The following AUTS2 variants were observed in gnomAD, a reference collection of about 807,000 sequenced individuals.
The protein encoded by AUTS2 is autism susceptibility gene 2 protein.
Under a neutral mutation model 112.4 loss-of-function variants are expected in AUTS2, and 17 were observed. The observed-to-expected ratio is 0.15, with a 90% CI of 0.10 to 0.23. The LOEUF (loss-of-function observed/expected upper bound fraction) is 0.23. Ranked by LOEUF, AUTS2 falls within the 10% of genes least tolerant of loss-of-function variation. The pLI, the probability that AUTS2 is intolerant of heterozygous loss-of-function variation, is 1.00. For missense variants in AUTS2, 1,510 were observed against 1,701.6 expected, an observed-to-expected ratio of 0.89 and a Z score of 1.98; for synonymous variants, 751 against 702.7, an observed-to-expected ratio of 1.07 and a Z score of -1.09.
At chr7:70,438,327 C>T (rs903369448) in intron 5 of AUTS2, among the ~76,000 whole-genome samples, 2 of 152,078 alleles carry the variant, frequency 1.3e-5, no homozygotes, top group East Asian at 1.9e-4. Context: ...TGTTTATAGG[C>T]GAGTCCAAGA....
intron 5 of AUTS2, among the ~76,000 whole-genome samples, chr7:70,576,877 T>C (rs1320549523): frequency 6.6e-6 from 1 of 152,194 alleles, no homozygotes; most frequent in African/African-American, 2.4e-5. Flanking sequence ...ACCAAACAGC[T>C]TTGACCACAG....
intron 4 of AUTS2, among the ~76,000 whole-genome samples, chr7:70,313,761 T>A (rs1171623157): frequency 6.6e-6 from 1 of 152,184 alleles, no homozygotes; most frequent in African/African-American, 2.4e-5. Context: ...GTCACAGCAG[T>A]GGTCTTAAAT....
chr7:70,755,899 T>C (rs1034958889), intron 6 of AUTS2, among the ~76,000 whole-genome samples: 1 of 151,996 alleles, frequency 6.6e-6, no homozygotes. Context: ...TAACTATATA[T>C]AATTATTTGC....
chr7:70,690,225 C>G (rs1433533119), intron 5 of AUTS2, among the ~76,000 whole-genome samples: 1 of 152,162 alleles, frequency 6.6e-6, no homozygotes, highest in Non-Finnish European at 1.5e-5. Context: ...CAAACCTCTA[C>G]CCTGAAGAAC....
chr7:69,615,319 T>C (rs995859168), intron 1 of AUTS2, among the ~76,000 whole-genome samples: 4 of 152,186 alleles, frequency 2.6e-5, no homozygotes, highest in African/African-American at 7.2e-5. Flanking sequence ...TTATTTTTTT[T>C]TGAGACAGAG....
intron 5 of AUTS2, among the ~76,000 whole-genome samples, chr7:70,681,057 G>A (rs1808180185): frequency 6.6e-6 from 1 of 152,080 alleles, no homozygotes; most frequent in Non-Finnish European, 1.5e-5. Flanking sequence ...AGGAGGCACA[G>A]ACCTGAGTGA....
Position 69,599,617 on chromosome 7 carries a change from T to C in AUTS2, c.-37T>C. 1 of 1,268,288 alleles carries C rather than the reference T, an allele frequency of 7.9e-7. No homozygotes were observed. The highest frequency in any genetic ancestry group is 4.2e-5 in the Admixed American group (1 of 23,718). 78.6% of individuals were successfully genotyped at this position (1,268,288 alleles called of 1,614,324 possible). ...TTTGTGTGGCTGCGGCCGTAGCCTG[T>C]GGCGGGCAAGCGGGGAGACCCCGGC... On this transcript the variant is annotated 5_prime_UTR_variant, in exon 1 of 19. Coordinates refer to ENST00000342771, the MANE Select transcript of AUTS2 (RefSeq NM_015570.4). The surrounding 1 kb of genome is among the most constrained non-coding windows in gnomAD (Gnocchi z 7.0).
chr7:70,494,384 C>G (rs1798366177), intron 5 of AUTS2, among the ~76,000 whole-genome samples: 1 of 151,934 alleles, frequency 6.6e-6, no homozygotes, highest in African/African-American at 2.4e-5. Context: ...CATTGTTGGC[C>G]TAAGGTTGAA....
intron 5 of AUTS2, among the ~76,000 whole-genome samples, chr7:70,480,370 G>A (rs1476614453): frequency 6.6e-6 from 1 of 152,206 alleles, no homozygotes; most frequent in Non-Finnish European, 1.5e-5. Context: ...GAAGAAAGTT[G>A]ATAAAGTAAT....
At chr7:70,391,775 C>T (rs1365790900) in intron 4 of AUTS2, among the ~76,000 whole-genome samples, 1 of 152,200 alleles carries the variant, frequency 6.6e-6, no homozygotes, top group Non-Finnish European at 1.5e-5. Context: ...ATCTTCACAG[C>T]AAACTTGCAT....
chr7:70,307,976 G>T (rs570017980), intron 4 of AUTS2, among the ~76,000 whole-genome samples: 73 of 152,310 alleles, frequency 4.8e-4, no homozygotes, highest in African/African-American at 1.7e-3. Context: ...TAAGTAAGTA[G>T]TTTAGTCTTC....
chr7:70,495,235 T>TAA (rs34861688), intron 5 of AUTS2, among the ~76,000 whole-genome samples: 91 of 102,748 alleles, frequency 8.9e-4, no homozygotes, highest in South Asian at 2.1e-3. Context: ...ACCTTTTCTT[T>TAA]AAAAAAAAAA....
chr7:70,542,762 A>G (rs963279038), intron 5 of AUTS2, among the ~76,000 whole-genome samples: 2 of 152,202 alleles, frequency 1.3e-5, no homozygotes, highest in Non-Finnish European at 2.9e-5. Flanking sequence ...GCACACAGTT[A>G]TACTGAGTAG....
intron 2 of AUTS2, among the ~76,000 whole-genome samples, chr7:69,931,833 C>G (rs1796238554): frequency 6.6e-6 from 1 of 152,162 alleles, no homozygotes; most frequent in Non-Finnish European, 1.5e-5. Context: ...AAAAGACTAC[C>G]CCGCTTGTCA....
chr7:70,208,774 A>T (rs1000025245), intron 4 of AUTS2, among the ~76,000 whole-genome samples: 1 of 151,738 alleles, frequency 6.6e-6, no homozygotes, highest in East Asian at 1.9e-4. Context: ...GAGGAGATGC[A>T]AGTGTTCCAA....
intron 4 of AUTS2, among the ~76,000 whole-genome samples, chr7:70,162,445 CAAAAAAAAAAAAAAAAAAAA>C (rs57688959): frequency 1.9e-3 from 107 of 56,716 alleles, no homozygotes; most frequent in Non-Finnish European, 2.6e-3. Context: ...GACTCCGTCT[CAAAAAAAAAAAAAAAAAAAA>C]AAAAAAAAAA....
At chr7:70,065,083 CTA>C (rs1802426487) in intron 2 of AUTS2, among the ~76,000 whole-genome samples, 1 of 152,098 alleles carries the variant, frequency 6.6e-6, no homozygotes, top group African/African-American at 2.4e-5. Context: ...GGGGGCATTT[CTA>C]TATGATTGTG....
chr7:70,758,389 A>G (rs1384667775), intron 6 of AUTS2, among the ~76,000 whole-genome samples: 1 of 152,182 alleles, frequency 6.6e-6, no homozygotes, highest in East Asian at 1.9e-4. Context: ...TAGAGTTTGC[A>G]TTCTACTAGT....
chr7:70,357,474 T>C (rs1456955049), intron 4 of AUTS2, among the ~76,000 whole-genome samples: 2 of 152,204 alleles, frequency 1.3e-5, no homozygotes, highest in East Asian at 3.9e-4. Context: ...TGTTCTTATG[T>C]CTCATAGTTG....
Sources: gnomAD v4.1 joint callset for allele counts (sites outside exome capture counted in the v4.1 genomes callset) on GRCh38, gnomAD v4.1.1 for gene constraint, Gnocchi (gnomAD v3.1) non-coding constraint, MANE v1.5 for transcripts, NCBI Gene and HGNC (gene_info 2026-07-23, HGNC 2026-07-21) for gene names.